Variants in WDR97 observed in about 807,000 individuals in gnomAD.
WDR97 encodes WD repeat domain 97, also known as WD repeat-containing protein 97.
Under a neutral mutation model 65.4 loss-of-function variants are expected in WDR97, and 111 were observed. The ratio of observed to expected loss-of-function variants is 1.70; its 90% confidence interval spans 1.45 to 1.99. WDR97 has a LOEUF of 1.99. WDR97 is among the 30% of genes most tolerant of loss of function. WDR97 has a pLI of 0.00. For synonymous variants in WDR97, 802 were observed against 397.7 expected (o/e 2.02, Z -12.10); for missense variants, 1,674 against 865.0 (o/e 1.94, Z -11.73).
chr8:144,110,702 A>G lies in WDR97; in HGVS notation c.2134A>G (p.Thr712Ala). ...KLYACSSLDC[T>A]VRIWTAENRL... Reference sequence around the variant, plus strand: ...GTATGCCTGCTCCAGCCTGGACTGCACCGTTCGCATCTGGACTGCTGAGAA... The same window carrying G: ...GTATGCCTGCTCCAGCCTGGACTGCGCCGTTCGCATCTGGACTGCTGAGAA... Residue 712 changes from threonine to alanine, a missense_variant, in exon 8 of 24, where the codon ACC (threonine) becomes GCC (alanine). Thr to Ala is a moderately conservative substitution (Grantham distance 58, BLOSUM62 0). Transcript: ENST00000323662. 1.4e-6 allele frequency: 1 copy of G among 701,498 alleles called. No homozygotes were observed. Among genetic ancestry groups the G allele is most frequent in the Non-Finnish European group, 2.6e-6 (1 of 384,930 alleles). 43.5% of individuals were successfully genotyped at this position (701,498 alleles called of 1,614,324 possible). A position where few individuals can be genotyped will look rare whatever the true frequency, so the allele number is the denominator to read the frequency against.
rs1386593914 is a variant in WDR97 at position 144,110,213 on chromosome 8, G to C, written c.1800G>C (p.Pro600=). Reference sequence around the variant, plus strand: ...AAACGGAGGCGCACAGCCCGGGCCCGGTTGTCGCCATCGCATCCACCTGGA... The same window carrying C: ...AAACGGAGGCGCACAGCCCGGGCCCCGTTGTCGCCATCGCATCCACCTGGA... ...VFQTEAHSPG[P]VVAIASTWNS... is the part of the protein sequence containing the mutation. The change falls in exon 6 of 24, where the codon CCG becomes CCC. Residue 600 remains proline, a synonymous_variant. Transcript: ENST00000323662. 1 of 702,810 alleles carries C rather than the reference G, an allele frequency of 1.4e-6. No homozygotes were observed. The highest frequency in any genetic ancestry group is 1.7e-5 in the African/African-American group (1 of 57,264). The allele number at this position is 702,810 out of a possible 1,614,324, so 43.5% of individuals were successfully genotyped here. A position where few individuals can be genotyped will look rare whatever the true frequency, so the allele number is the denominator to read the frequency against.
At chr8:144,112,769 G>T in intron 15 of WDR97, 1 of 569,714 alleles carries the variant, frequency 1.8e-6, no homozygotes, top group Non-Finnish European at 3.1e-6. Context: ...GCTGCTCTGG[G>T]AGCTGACATC....
At position 144,110,643 on chromosome 8, in the gene WDR97, C is replaced by T. The variant is rs141652685; in HGVS notation, c.2081-6C>T. ...TCCGGTTCCTGACCCTGAACCCTGC[C>T]GCCAGGCCTGTGCTGCTGCCCCACG... is the stretch of plus-strand genomic sequence containing the variant. On this transcript the variant is annotated splice_region_variant and splice_polypyrimidine_tract_variant and intron_variant, in intron 7 of 23. Transcript: ENST00000323662. 8.5e-6 allele frequency: 6 copies of T among 702,834 alleles called. No individual in the cohort carries two copies. The highest frequency in any genetic ancestry group is 1.7e-5 in the African/African-American group (1 of 57,392). The allele number at this position is 702,834 out of a possible 1,614,324, so 43.5% of individuals were successfully genotyped here.
Position 144,110,521 on chromosome 8 carries a change from G to C in WDR97, c.2024G>C (p.Gly675Ala), listed in dbSNP as rs1025610632. 4.3e-6 allele frequency: 3 copies of C among 702,918 alleles called. No homozygotes were observed. In the South Asian group the frequency reaches 4.4e-5, roughly 10 times the overall value. 43.5% of individuals were successfully genotyped at this position (702,918 alleles called of 1,614,324 possible). Residue 675 changes from glycine to alanine, a missense_variant, in exon 7 of 24, where the codon GGC becomes GCC. Physicochemically the swap from Gly to Ala is moderately conservative, Grantham distance 60. Coordinates refer to ENST00000323662, the MANE Select transcript of WDR97 (RefSeq NM_001316309.2). ...TACGGCCTGGTGCAGTTTGGCCTGGGCGACAGTCCGCGATTAGACCACCGG... is the reference window on the plus strand; with the variant it reads ...TACGGCCTGGTGCAGTTTGGCCTGGCCGACAGTCCGCGATTAGACCACCGG... ...ATYGLVQFGL[G>A]DSPRLDHRPQ...
Position 144,109,574 on chromosome 8 carries a change from C to G in WDR97, c.1240C>G (p.Leu414Val). ...CATGCAGCTGTGGCGCGTACGCGAG[C>G]TCTACTCGCCGTTGGCGCAACTGCC... ...SSMQLWRVRE[L>V]YSPLAQLPAK... The change falls in exon 5 of 24, where the codon CTC becomes GTC. Residue 414 changes from leucine to valine, a missense_variant. Coordinates refer to ENST00000323662, the MANE Select transcript of WDR97 (RefSeq NM_001316309.2). 1 of 693,128 alleles carries G rather than the reference C, an allele frequency of 1.4e-6. No individual in the cohort carries two copies. 42.9% of individuals were successfully genotyped at this position (693,128 alleles called of 1,614,324 possible).
Position 144,109,362 on chromosome 8 carries a change from C to T in WDR97, c.1028C>T (p.Pro343Leu), listed in dbSNP as rs1031251870. ...CCGGTGACGGCTATGACTGTGCTCC[C>T]GAACACGACCCTGGTGTTGTCGGCC... is the stretch of plus-strand genomic sequence containing the variant. ...TGPVTAMTVL[P>L]NTTLVLSASQ... The change falls in exon 5 of 24, where the codon CCG (proline) becomes CTG (leucine). Residue 343 changes from proline (P) to leucine (L), a missense_variant. Transcript: ENST00000323662. The T allele has an allele frequency of 1.4e-6, 1 of 702,518 alleles. No homozygotes were observed. The highest frequency in any genetic ancestry group is 1.7e-5 in the African/African-American group (1 of 57,274). The allele number at this position is 702,518 out of a possible 1,614,324, so 43.5% of individuals were successfully genotyped here.
rs1836446919 is a variant in WDR97, at chr8:144,107,774, A to G, written c.24A>G (p.Ala8=). The G allele has an allele frequency of 1.4e-6, 1 of 702,734 alleles. No individual in the cohort carries two copies. The highest frequency in any genetic ancestry group is 2.6e-6 in the Non-Finnish European group (1 of 384,996). 43.5% of individuals were successfully genotyped at this position (702,734 alleles called of 1,614,324 possible). A position where few individuals can be genotyped will look rare whatever the true frequency, so the allele number is the denominator to read the frequency against. Residue 8 remains alanine, a synonymous_variant, in exon 1 of 24, where the codon GCA becomes GCG. Transcript: ENST00000323662. MEAEVWE[A]EGYNLVLDSD... ...AAATGGAGGCAGAGGTGTGGGAGGC[A>G]GAAGGCTACAACCTAGTTCTGGACT...
Position 144,108,380 on chromosome 8 carries a change from AGGTGGCAGCCGGGCTGCGCTC to A in WDR97, c.321_341del (p.Ala108_Ala114del), listed in dbSNP as rs1836460985. ...GGGCTGGAACCACTGCGCCGCCTGG[AGGTGGCAGCCGGGCTGCGCTC>A]GGTGGCGCAGGACCCGGTGGGTGGA... On this transcript the variant is annotated inframe_deletion, in exon 3 of 24. Coordinates refer to ENST00000323662, the MANE Select transcript of WDR97 (RefSeq NM_001316309.2). 5.7e-6 allele frequency: 4 copies of A among 697,344 alleles called. No individual in the cohort carries two copies. Among genetic ancestry groups the A allele is most frequent in the African/African-American group, 1.8e-5 (1 of 56,874 alleles). The allele number at this position is 697,344 out of a possible 1,614,324, so 43.2% of individuals were successfully genotyped here. A position where few individuals can be genotyped will look rare whatever the true frequency, so the allele number is the denominator to read the frequency against.
intron 21 of WDR97, 133 bp from the exon 22 acceptor site, chr8:144,115,208 C>T (rs909534622): frequency 3.5e-6 from 2 of 565,686 alleles, no homozygotes; most frequent in Admixed American, 3.5e-5. Context: ...CATGTGGATG[C>T]TCGAGGAGCC....
At position 144,114,011 on chromosome 8, in the gene WDR97, G is replaced by A. The variant is rs1028402722; in HGVS notation, c.3443G>A (p.Arg1148His). ...GACTGGACCCAGGAGCCCCGGCGGC[G>A]CAGCTGCAAGGTTGCCAGGACCCAC... ...AVDWTQEPRR[R>H]SCKVARTHPH... Residue 1148 changes from arginine (R) to histidine (H), a missense_variant, in exon 18 of 24, where the codon CGC becomes CAC. Arg to His is a conservative substitution (Grantham distance 29). Coordinates refer to ENST00000323662, the MANE Select transcript of WDR97 (RefSeq NM_001316309.2). 12 of 702,666 alleles carry A rather than the reference G, an allele frequency of 1.7e-5. No individual in the cohort carries two copies. Among genetic ancestry groups the A allele is most frequent in the Middle Eastern group, 2.3e-4 (1 of 4,392 alleles). The allele number at this position is 702,666 out of a possible 1,614,324, so 43.5% of individuals were successfully genotyped here.
At position 144,111,091 on chromosome 8, in the gene WDR97, C is replaced by A. The variant is rs1490683045; in HGVS notation, c.2305-10C>A. The A allele has an allele frequency of 2.8e-6, 2 of 702,742 alleles. No homozygotes were observed. The highest frequency in any genetic ancestry group is 5.2e-6 in the Non-Finnish European group (2 of 385,022). 43.5% of individuals were successfully genotyped at this position (702,742 alleles called of 1,614,324 possible). ...CCCAGCCAGGGATACAGGCTCCTTC[C>A]CCTATTCAGAAGATGTGCCGGAAGG... On this transcript the variant is annotated splice_polypyrimidine_tract_variant and intron_variant, in intron 9 of 23. Coordinates refer to ENST00000323662, the MANE Select transcript of WDR97 (RefSeq NM_001316309.2).
Position 144,110,843 on chromosome 8 carries a change from CTGCCCTGGG to C in WDR97, c.2172-16_2172-8del, listed in dbSNP as rs1262553912. 7 of 702,670 alleles carry C rather than the reference CTGCCCTGGG, an allele frequency of 1.0e-5. No individual in the cohort carries two copies. Among genetic ancestry groups the C allele is most frequent in the Non-Finnish European group, 1.8e-5 (7 of 384,832 alleles). The allele number at this position is 702,670 out of a possible 1,614,324, so 43.5% of individuals were successfully genotyped here. A position where few individuals can be genotyped will look rare whatever the true frequency, so the allele number is the denominator to read the frequency against. On this transcript the variant is annotated splice_polypyrimidine_tract_variant and intron_variant, in intron 8 of 23. Transcript: ENST00000323662. ...AGGCCTTGTCCCTGCTGAGCCTCGG[CTGCCCTGGG>C]TGCCTCTCCAGGCTCCTGCAGCTGA...
At position 144,108,770 on chromosome 8, in the gene WDR97, G is replaced by A. The variant is rs1836471343; in HGVS notation, c.704G>A (p.Arg235Gln). ...FRSGGRRLVL[R>Q]GSALHPPPSP... Reference sequence around the variant, plus strand: ...TCAGGTGGTCGCCGCCTGGTGCTGCGAGGGTCAGCACTGCACCCGCCCCCG... The same window carrying A: ...TCAGGTGGTCGCCGCCTGGTGCTGCAAGGGTCAGCACTGCACCCGCCCCCG... The change falls in exon 3 of 24, where the codon CGA (arginine) becomes CAA (glutamine). Residue 235 changes from arginine (R) to glutamine (Q), a missense_variant. Transcript: ENST00000323662. The A allele has an allele frequency of 1.0e-5, 7 of 701,966 alleles. No homozygotes were observed. The highest frequency in any genetic ancestry group is 3.0e-5 in the South Asian group (2 of 67,536). 43.5% of individuals were successfully genotyped at this position (701,966 alleles called of 1,614,324 possible). A position where few individuals can be genotyped will look rare whatever the true frequency, so the allele number is the denominator to read the frequency against.
At position 144,116,435 on chromosome 8, in the gene WDR97, T is replaced by G. The variant is rs1008560585; in HGVS notation, c.*142T>G. 8.0e-5 allele frequency: 43 copies of G among 536,280 alleles called. No homozygotes were observed. Among genetic ancestry groups the G allele is most frequent in the Non-Finnish European group, 1.3e-4 (40 of 304,574 alleles). The allele number at this position is 536,280 out of a possible 1,614,324, so 33.2% of individuals were successfully genotyped here. ...AGGGCCCCGGGGTGCGCACGGCGTG[T>G]GGGCGTGCGGCCTGAACCCACAGTG... On this transcript the variant is annotated 3_prime_UTR_variant, in exon 24 of 24. Coordinates refer to ENST00000323662, the MANE Select transcript of WDR97 (RefSeq NM_001316309.2).
rs913027418 is a variant in WDR97, at chr8:144,109,390, G to A, written c.1056G>A (p.Ser352=). The A allele has an allele frequency of 1.4e-6, 1 of 702,596 alleles. No individual in the cohort carries two copies. Among genetic ancestry groups the A allele is most frequent in the Non-Finnish European group, 2.6e-6 (1 of 384,864 alleles). The allele number at this position is 702,596 out of a possible 1,614,324, so 43.5% of individuals were successfully genotyped here. A position where few individuals can be genotyped will look rare whatever the true frequency, so the allele number is the denominator to read the frequency against. Residue 352 remains serine (S), a synonymous_variant, in exon 5 of 24, where the codon TCG becomes TCA. Coordinates refer to ENST00000323662, the MANE Select transcript of WDR97 (RefSeq NM_001316309.2). ...ACACGACCCTGGTGTTGTCGGCCTC[G>A]CAGGACGGGACGCTACGCACCTGGG... ...LPNTTLVLSA[S]QDGTLRTWDL...
Position 144,108,815 on chromosome 8 carries a change from T to A in WDR97, c.749T>A (p.Met250Lys), listed in dbSNP as rs746518713. 1 of 702,758 alleles carries A rather than the reference T, an allele frequency of 1.4e-6. No individual in the cohort carries two copies. Among genetic ancestry groups the A allele is most frequent in the Non-Finnish European group, 2.6e-6 (1 of 384,896 alleles). 43.5% of individuals were successfully genotyped at this position (702,758 alleles called of 1,614,324 possible). A position where few individuals can be genotyped will look rare whatever the true frequency, so the allele number is the denominator to read the frequency against. Reference sequence around the variant, plus strand: ...CCCCCGAGCCCAACAGGCAGGCTCATGCGTCTGGCTGTGGCGCCGGTTCCT... The same window carrying A: ...CCCCCGAGCCCAACAGGCAGGCTCAAGCGTCTGGCTGTGGCGCCGGTTCCT... The part of the protein sequence containing the change: ...HPPPSPTGRL[M>K]RLAVAPVPPH... Residue 250 changes from methionine to lysine, a missense_variant, in exon 3 of 24, where the codon ATG (methionine) becomes AAG (lysine). Coordinates refer to ENST00000323662, the MANE Select transcript of WDR97 (RefSeq NM_001316309.2).
chr8:144,111,413 T>C lies in WDR97; in HGVS notation c.2427-13T>C, dbSNP rs1363232703. On this transcript the variant is annotated splice_polypyrimidine_tract_variant and intron_variant, in intron 10 of 23. Coordinates refer to ENST00000323662, the MANE Select transcript of WDR97 (RefSeq NM_001316309.2). ...CCACCCAGCATCCCACCTGTGCCTG[T>C]CCCTGTTTGCAGCGAGGCCTTGTCT... 2 of 702,640 alleles carry C rather than the reference T, an allele frequency of 2.8e-6. No homozygotes were observed. Among genetic ancestry groups the C allele is most frequent in the Admixed American group, 2.0e-5 (1 of 49,998 alleles). The allele number at this position is 702,640 out of a possible 1,614,324, so 43.5% of individuals were successfully genotyped here. A position where few individuals can be genotyped will look rare whatever the true frequency, so the allele number is the denominator to read the frequency against.
chr8:144,116,356 G>A lies in WDR97; in HGVS notation c.*63G>A, dbSNP rs1417463339. 10 of 571,786 alleles carry A rather than the reference G, an allele frequency of 1.7e-5. No individual in the cohort carries two copies. The highest frequency in any genetic ancestry group is 2.8e-5 in the Non-Finnish European group (9 of 322,286). The allele number at this position is 571,786 out of a possible 1,614,324, so 35.4% of individuals were successfully genotyped here. A position where few individuals can be genotyped will look rare whatever the true frequency, so the allele number is the denominator to read the frequency against. The stretch of plus-strand genomic sequence containing the variant: ...TGTCATTGGTATTTGGCCAAGGCCT[G>A]CATCGGGAATAAAGTCCAGAGAATT... On this transcript the variant is annotated 3_prime_UTR_variant, in exon 24 of 24. Transcript: ENST00000323662.
rs1377634783 is a variant in WDR97, at chr8:144,112,745, G to A, written c.3105+215G>A. 8.6e-6 allele frequency: 5 copies of A among 580,562 alleles called. No individual in the cohort carries two copies. In the African/African-American group the frequency reaches 9.3e-5, roughly 11 times the overall value. The allele number at this position is 580,562 out of a possible 1,614,324, so 36.0% of individuals were successfully genotyped here. On this transcript the variant is annotated intron_variant, in intron 15 of 23. Coordinates refer to ENST00000323662, the MANE Select transcript of WDR97 (RefSeq NM_001316309.2). Reference sequence around the variant, plus strand: ...CTGTTCCAGTACAGCTGTGTTTGTGGCCACAGGCTCCTTGCTGCTCTGGGA... The same window carrying A: ...CTGTTCCAGTACAGCTGTGTTTGTGACCACAGGCTCCTTGCTGCTCTGGGA...
Sources: gnomAD v4.1 joint callset for allele counts on GRCh38, gnomAD v4.1.1 for gene constraint, MANE v1.5 for transcripts, NCBI Gene and HGNC (gene_info 2026-07-23, HGNC 2026-07-21) for gene names.